Variants in PPP1R21 observed in about 807,000 individuals in gnomAD.
PPP1R21 encodes the protein KLRAQ motif containing 1.
In PPP1R21, 85 loss-of-function variants were observed where a neutral mutation model predicts 112.8. The ratio of observed to expected loss-of-function variants is 0.75; its 90% confidence interval spans 0.63 to 0.90. The LOEUF (loss-of-function observed/expected upper bound fraction) is 0.90, where lower values mean the gene tolerates loss of function less well. PPP1R21 is among the 40% of genes least tolerant of loss of function. The pLI is 0.00. For synonymous variants in PPP1R21, 381 were observed against 322.3 expected, an observed-to-expected ratio of 1.18 and a Z score of -1.95; for missense variants, 1,199 against 901.5, an observed-to-expected ratio of 1.33 and a Z score of -4.23.
intron 19 of PPP1R21, among the ~76,000 whole-genome samples, chr2:48,509,591 G>A (rs1210857375): frequency 5.3e-5 from 8 of 151,844 alleles, no homozygotes; most frequent in African/African-American, 1.9e-4. Context: ...TGTAATCCCA[G>A]CTACTCGGGA....
intron 14 of PPP1R21, among the ~76,000 whole-genome samples, chr2:48,489,614 A>G (rs1331697818): frequency 6.6e-6 from 1 of 151,928 alleles, no homozygotes; most frequent in Admixed American, 6.5e-5. Flanking sequence ...TGTTGGGATT[A>G]CAGGCGTGAG....
rs570450709 is a variant in PPP1R21 at position 48,441,145 on chromosome 2, C to G, written c.57+135C>G. 1.7e-4 allele frequency: 114 copies of G among 688,660 alleles called. No homozygotes were observed. The African/African-American group carries it at 1.9e-3, about 11-fold the overall frequency. The allele number at this position is 688,660 out of a possible 1,614,324, so 42.7% of individuals were successfully genotyped here. A position where few individuals can be genotyped will look rare whatever the true frequency, so the allele number is the denominator to read the frequency against. ...CCCCACCTTTCCCCTCAGCCGTCTC[C>G]GTCCACCATTACGGTGCCTCCACCT... is the stretch of plus-strand genomic sequence containing the variant. On this transcript the variant is annotated intron_variant, in intron 1 of 21. Coordinates refer to ENST00000294952, the MANE Select transcript of PPP1R21 (RefSeq NM_001135629.3).
chr2:48,491,958 G>T (rs1026062715), intron 15 of PPP1R21, among the ~76,000 whole-genome samples: 1 of 152,158 alleles, frequency 6.6e-6, no homozygotes, highest in Non-Finnish European at 1.5e-5. Context: ...AGAGCTGCCA[G>T]CTGTCATCAT....
chr2:48,501,223 A>G (rs895118548), intron 17 of PPP1R21, among the ~76,000 whole-genome samples: 1 of 151,756 alleles, frequency 6.6e-6, no homozygotes, highest in Non-Finnish European at 1.5e-5. Context: ...AACTGCCCCC[A>G]CTCCCTTGCC....
intron 2 of PPP1R21, among the ~76,000 whole-genome samples, chr2:48,454,263 A>AAAAT (rs369243414): frequency 0.052 from 7,886 of 151,368 alleles, 340 homozygotes; most frequent in Admixed American, 0.14. Flanking sequence ...TCTGTCTCAA[A>AAAAT]AAATAAATAA....
At chr2:48,461,427 C>T (rs77045342) in intron 7 of PPP1R21, among the ~76,000 whole-genome samples, 195 bp downstream of exon 7, 21,795 of 152,026 alleles carry the variant, frequency 0.14, 1,765 homozygotes, top group Admixed American at 0.21. Flanking sequence ...ATAACTACTC[C>T]AAAGCTGGTC....
intron 9 of PPP1R21, among the ~76,000 whole-genome samples, chr2:48,467,959 GCTT>G (rs1378042520): frequency 6.6e-6 from 1 of 152,136 alleles, no homozygotes. Flanking sequence ...CTTATTCCCT[GCTT>G]CTTCTGTGCA....
chr2:48,511,515 T>C (rs1367354481), intron 21 of PPP1R21, 47 bp downstream of exon 21: 2 of 1,593,020 alleles, frequency 1.3e-6, no homozygotes, highest in East Asian at 2.2e-5. Flanking sequence ...TAATATTTAA[T>C]GTGAGGTATT....
intron 16 of PPP1R21, among the ~76,000 whole-genome samples, chr2:48,496,357 C>T (rs2103626492): frequency 6.6e-6 from 1 of 152,282 alleles, no homozygotes; most frequent in South Asian, 2.1e-4. Flanking sequence ...TCTGACTTTA[C>T]AGCATTATAG....
chr2:48,503,556 T>G (rs1670226615), intron 17 of PPP1R21, among the ~76,000 whole-genome samples: 1 of 152,236 alleles, frequency 6.6e-6, no homozygotes, highest in Non-Finnish European at 1.5e-5. Flanking sequence ...TTCAAATTCC[T>G]TGATCTTTAT....
chr2:48,452,516 TATTATA>T (rs1451176524), intron 2 of PPP1R21, among the ~76,000 whole-genome samples: 2 of 150,228 alleles, frequency 1.3e-5, no homozygotes, highest in Non-Finnish European at 3.0e-5. Flanking sequence ...CATAATTATA[TATTATA>T]ATTATATAAT....
Position 48,511,397 on chromosome 2 carries a change from C to T in PPP1R21, c.2242C>T (p.His748Tyr). 1 of 1,613,842 alleles carries T rather than the reference C, an allele frequency of 6.2e-7. No individual in the cohort carries two copies. Among genetic ancestry groups the T allele is most frequent in the Non-Finnish European group, 8.5e-7 (1 of 1,179,850 alleles). The change falls in exon 21 of 22, where the codon CAC becomes TAC. Residue 748 changes from histidine to tyrosine, a missense_variant. Physicochemically the swap from His to Tyr is moderately conservative, Grantham distance 83. Coordinates refer to ENST00000294952, the MANE Select transcript of PPP1R21 (RefSeq NM_001135629.3). The part of the protein sequence containing the change: ...YEDQLSMMSD[H>Y]LCSMNETLSK... ...GGATCAGTTAAGTATGATGAGTGACCACCTGTGCAGCATGAATGAGACATT... is the reference window on the plus strand; with the variant it reads ...GGATCAGTTAAGTATGATGAGTGACTACCTGTGCAGCATGAATGAGACATT...
rs1471066482 is a variant in PPP1R21 at position 48,469,523 on chromosome 2, T to TAGAGAGAGAGAGC, written c.898-1563_898-1562insGAGAGAGAGAGCA. On this transcript the variant is annotated intron_variant, in intron 9 of 21. Transcript: ENST00000294952. ...TATATATAGAGCATATATATATATA[T>TAGAGAGAGAGAGC]ATATATATATATAGAGCATATATAT... Among the ~76,000 whole-genome samples the TAGAGAGAGAGAGC allele has an allele frequency of 2.4e-4, 25 of 103,238 alleles. 1 individual carries two copies. The highest frequency in any genetic ancestry group is 9.0e-4 in the African/African-American group (23 of 25,606). The allele number at this position is 103,238 out of a possible 152,430, so 67.7% of individuals were successfully genotyped here.
intron 16 of PPP1R21, among the ~76,000 whole-genome samples, chr2:48,496,512 G>A (rs985591774): frequency 6.6e-6 from 1 of 151,096 alleles, no homozygotes; most frequent in Non-Finnish European, 1.5e-5. Context: ...GTGTCACCTA[G>A]GCTGGAGTGC....
chr2:48,468,111 C>T (rs1483484797), intron 9 of PPP1R21, among the ~76,000 whole-genome samples: 1 of 152,158 alleles, frequency 6.6e-6, no homozygotes, highest in African/African-American at 2.4e-5. Context: ...CAGTTATGTC[C>T]TCTTGGGAAA....
At chr2:48,463,869 T>C (rs1013559512) in intron 7 of PPP1R21, among the ~76,000 whole-genome samples, 2 of 151,558 alleles carry the variant, frequency 1.3e-5, no homozygotes, top group African/African-American at 4.8e-5. Flanking sequence ...TGGCTGTGAT[T>C]TTCTTGGTGG....
Position 48,476,255 on chromosome 2 carries a change from G to T in PPP1R21, c.1225+1436G>T, listed in dbSNP as rs764369649. ...TTTCACTTAGCATCATGCTTTTTAA[G>T]ATTCATAAAAGTTGTAGCATGTATC... On this transcript the variant is annotated intron_variant, in intron 12 of 21. Transcript: ENST00000294952. 3.4e-4 allele frequency among the ~76,000 whole-genome samples: 51 copies of T among 152,228 alleles called. 1 individual carries two copies. Among genetic ancestry groups the T allele is most frequent in the African/African-American group, 1.2e-3 (51 of 41,534 alleles).
chr2:48,465,767 A>C (rs2103822127), intron 9 of PPP1R21, 125 bp downstream of exon 9: 1 of 710,244 alleles, frequency 1.4e-6, no homozygotes, highest in Non-Finnish European at 2.1e-6. Flanking sequence ...CAAAAAGCAT[A>C]GTTTTTACTC....
chr2:48,453,352 T>G (rs1667566666), intron 2 of PPP1R21, among the ~76,000 whole-genome samples: 1 of 152,330 alleles, frequency 6.6e-6, no homozygotes, highest in East Asian at 1.9e-4. Flanking sequence ...TACAGTTATT[T>G]TTTTATTTTC....
Sources: allele counts gnomAD v4.1 joint callset (sites outside exome capture counted in the v4.1 genomes callset), GRCh38; gene constraint gnomAD v4.1.1; transcripts MANE v1.5; gene names NCBI Gene and HGNC (gene_info 2026-07-23, HGNC 2026-07-21).